Variants in LEKR1 observed in about 807,000 individuals in gnomAD.
LEKR1 encodes protein LEKR1.
In LEKR1, 59 loss-of-function variants were observed where a neutral mutation model predicts 72.4. That is an observed-to-expected ratio of 0.82 (90% CI 0.66 to 1.01). LEKR1 has a LOEUF of 1.01. Ranked by LOEUF, LEKR1 falls within the 50% of genes least tolerant of loss-of-function variation. The probability of loss-of-function intolerance (pLI) is 0.00; values close to 1 mark genes in which losing one functional copy is unlikely to be tolerated. For missense variants in LEKR1, 728 were observed against 759.2 expected, an observed-to-expected ratio of 0.96 and a Z score of 0.48; for synonymous variants, 257 against 263.2, an observed-to-expected ratio of 0.98 and a Z score of 0.23.
intron 9 of LEKR1, among the ~76,000 whole-genome samples, chr3:157,007,162 T>C (rs1010083914): frequency 4.6e-5 from 7 of 152,134 alleles, no homozygotes; most frequent in South Asian, 2.1e-4. Flanking sequence ...AGATCCGCCA[T>C]TGCACTCCAG....
intron 3 of LEKR1, among the ~76,000 whole-genome samples, chr3:156,899,286 ATG>A (rs1721546676): frequency 6.8e-6 from 1 of 146,606 alleles, no homozygotes; most frequent in Non-Finnish European, 1.5e-5. Context: ...ATATATATAC[ATG>A]TATATATACA....
At chr3:156,854,474 G>C (rs1322091814) in intron 3 of LEKR1, among the ~76,000 whole-genome samples, 3 of 151,474 alleles carry the variant, frequency 2.0e-5, no homozygotes, top group African/African-American at 7.3e-5. Flanking sequence ...TTTGGTGTAT[G>C]TCTTGGTAGA....
intron 9 of LEKR1, among the ~76,000 whole-genome samples, chr3:156,995,923 T>G (rs1731524113): frequency 1.4e-5 from 2 of 144,126 alleles, no homozygotes; most frequent in South Asian, 4.6e-4. Context: ...AAGCGTTGCC[T>G]TCTTCTTTTT....
At chr3:156,998,542 C>T (rs1003635453) in intron 9 of LEKR1, among the ~76,000 whole-genome samples, 2 of 151,862 alleles carry the variant, frequency 1.3e-5, no homozygotes, top group African/African-American at 4.8e-5. Context: ...ATCAATTTGC[C>T]CATAACATGA....
chr3:156,893,883 G>T (rs1407842578), intron 3 of LEKR1, among the ~76,000 whole-genome samples: 1 of 152,192 alleles, frequency 6.6e-6, no homozygotes, highest in Non-Finnish European at 1.5e-5. Context: ...TGGCCTTGGG[G>T]TAATGGACAT....
intron 7 of LEKR1, among the ~76,000 whole-genome samples, chr3:156,986,433 AT>A (rs1269185953): frequency 3.3e-5 from 5 of 152,202 alleles, no homozygotes; most frequent in Non-Finnish European, 5.9e-5. Flanking sequence ...AGAAGTAATT[AT>A]GGTTTAGCCT....
chr3:156,941,820 T>C (rs1270246321), intron 5 of LEKR1, among the ~76,000 whole-genome samples: 5 of 152,072 alleles, frequency 3.3e-5, no homozygotes, highest in African/African-American at 1.2e-4. Flanking sequence ...ACAGGGAGCT[T>C]ATTAATTATT....
rs199952441 is a variant in LEKR1, at chr3:156,871,921, G to GT, written c.263+18947dup. On this transcript the variant is annotated intron_variant, in intron 3 of 12. Transcript: ENST00000356539. ...TTTTTAGTTGTGTCCTTGTCTGGCT[G>GT]TTTTTTTTATCAGGGTAATGTTGGT... Among the ~76,000 whole-genome samples, 544 of 151,814 alleles carry GT rather than the reference G, an allele frequency of 3.6e-3. 3 individuals carry two copies. Among genetic ancestry groups the GT allele is most frequent in the African/African-American group, 0.012 (497 of 41,450 alleles).
intron 7 of LEKR1, among the ~76,000 whole-genome samples, chr3:156,990,254 G>A (rs114282849): frequency 6.6e-6 from 1 of 151,982 alleles, no homozygotes; most frequent in African/African-American, 2.4e-5. Flanking sequence ...AACCACATAG[G>A]GGGTGATGTG....
intron 9 of LEKR1, among the ~76,000 whole-genome samples, chr3:157,008,811 G>A (rs1732666997): frequency 6.6e-6 from 1 of 152,034 alleles, no homozygotes; most frequent in Non-Finnish European, 1.5e-5. Flanking sequence ...TGTTCTTTGT[G>A]CTCAATATTA....
At chr3:157,017,853 A>G (rs574699349) in intron 10 of LEKR1, among the ~76,000 whole-genome samples, 24 of 151,200 alleles carry the variant, frequency 1.6e-4, no homozygotes, top group African/African-American at 5.8e-4. Context: ...GGAGGCTGAG[A>G]CAGGAGAATA....
chr3:157,036,864 A>C (rs766845925), intron 12 of LEKR1, among the ~76,000 whole-genome samples: 4 of 152,198 alleles, frequency 2.6e-5, no homozygotes, highest in Non-Finnish European at 4.4e-5. Context: ...GGATATTTAC[A>C]CTTCTGTAAG....
At position 156,920,692 on chromosome 3, in the gene LEKR1, C is replaced by T. The variant is rs373951437; in HGVS notation, c.381C>T (p.Phe127=). Residue 127 remains phenylalanine, a splice_region_variant and synonymous_variant, in exon 4 of 13, where the codon TTC becomes TTT. Transcript: ENST00000356539. ...LKIKYRQSYI[F]SQRLSEYKYF... is the part of the protein sequence containing the mutation. The stretch of plus-strand genomic sequence containing the variant: ...TTAAATATAGACAATCATACATCTT[C>T]AGGTAAGATTAAAGAACTGAAAATT... The T allele has an allele frequency of 5.1e-5, 70 of 1,368,750 alleles. 1 individual carries two copies. The South Asian group carries it at 8.9e-4, about 17-fold the overall frequency. 84.8% of individuals were successfully genotyped at this position (1,368,750 alleles called of 1,614,324 possible). A position where few individuals can be genotyped will look rare whatever the true frequency, so the allele number is the denominator to read the frequency against.
At chr3:156,909,445 A>T (rs1417490969) in intron 3 of LEKR1, among the ~76,000 whole-genome samples, 1 of 152,028 alleles carries the variant, frequency 6.6e-6, no homozygotes, top group East Asian at 1.9e-4. Flanking sequence ...AGGTCAGGAG[A>T]TGGAGATCAT....
chr3:156,996,239 G>T (rs1393412470), intron 9 of LEKR1, among the ~76,000 whole-genome samples: 1 of 152,070 alleles, frequency 6.6e-6, no homozygotes, highest in Non-Finnish European at 1.5e-5. Context: ...GATAGAAGAG[G>T]TGCCTGCTTT....
intron 12 of LEKR1, among the ~76,000 whole-genome samples, chr3:157,037,457 A>C (rs1436349037): frequency 6.6e-6 from 1 of 152,226 alleles, no homozygotes; most frequent in Non-Finnish European, 1.5e-5. Context: ...CAGGAAAGTT[A>C]CAAGTAAAAC....
At chr3:156,901,533 T>C (rs562189267) in intron 3 of LEKR1, among the ~76,000 whole-genome samples, 1 of 152,326 alleles carries the variant, frequency 6.6e-6, no homozygotes, top group Non-Finnish European at 1.5e-5. Flanking sequence ...ATTTTTAGTT[T>C]TCCTTTTTCT....
chr3:157,028,075 A>G lies in LEKR1; in HGVS notation c.1369-28A>G, dbSNP rs530433765. On this transcript the variant is annotated intron_variant, in intron 11 of 12. Coordinates refer to ENST00000356539, the MANE Select transcript of LEKR1 (RefSeq NM_001004316.3). ...TGTGGTTACCTAGAAACTATCGCCT[A>G]CAAGCTAATATGAGATTTATCTTAC... is the stretch of plus-strand genomic sequence containing the variant. 7.9e-5 allele frequency: 115 copies of G among 1,456,836 alleles called. No homozygotes were observed. The South Asian group carries it at 1.3e-3, about 17-fold the overall frequency. 90.2% of individuals were successfully genotyped at this position (1,456,836 alleles called of 1,614,324 possible).
At chr3:156,858,573 C>T (rs988272106) in intron 3 of LEKR1, among the ~76,000 whole-genome samples, 1 of 151,282 alleles carries the variant, frequency 6.6e-6, no homozygotes, top group African/African-American at 2.4e-5. Flanking sequence ...ACTTGGGAGG[C>T]TGAGGTGGGA....
Sources: allele counts gnomAD v4.1 joint callset (sites outside exome capture counted in the v4.1 genomes callset), GRCh38; gene constraint gnomAD v4.1.1; transcripts MANE v1.5; gene names NCBI Gene and HGNC (gene_info 2026-07-23, HGNC 2026-07-21).